AGBL5: variants seen among roughly 807,000 people sequenced by gnomAD.
The protein encoded by AGBL5 is cytosolic carboxypeptidase-like protein 5.
AGBL5 carries 51 observed loss-of-function variants against 88.0 expected under a neutral mutation model. The observed-to-expected ratio is 0.58, with a 90% CI of 0.46 to 0.73. The LOEUF (loss-of-function observed/expected upper bound fraction) is 0.73, where lower values mean the gene tolerates loss of function less well. Ranked by LOEUF, AGBL5 falls within the 30% of genes least tolerant of loss-of-function variation. AGBL5 has a pLI of 0.00. For missense variants in AGBL5, 1,031 were observed against 1,162.2 expected (o/e 0.89, Z 1.64); for synonymous variants, 446 against 438.8 (o/e 1.02, Z -0.21).
chr2:27,063,177 C>G (rs1668801114), intron 11 of AGBL5, among the ~76,000 whole-genome samples: 2 of 152,218 alleles, frequency 1.3e-5, no homozygotes. Context: ...ACAAAAGCTT[C>G]AGGAAGTGTC....
intron 8 of AGBL5, 116 bp from the exon 9 acceptor site, chr2:27,057,186 TC>T (rs754229032): frequency 8.5e-6 from 10 of 1,183,090 alleles, no homozygotes; most frequent in Non-Finnish European, 1.2e-5. Flanking sequence ...ATTAGCACTT[TC>T]ATTTGTGTTC....
rs765967824 is a variant in AGBL5, at chr2:27,059,323, C to G, written c.2008C>G (p.His670Asp). Residue 670 changes from histidine (H) to aspartate (D), a missense_variant, in exon 11 of 15, where the codon CAT becomes GAT. By Grantham distance (81) the His-to-Asp change is moderately conservative. Transcript: ENST00000360131. ...GAAGAATTCCCCCAGCTTTCCTTTTCATGGCAGTCGGCCTGCAGGGCTGCC... is the reference window on the plus strand; with the variant it reads ...GAAGAATTCCCCCAGCTTTCCTTTTGATGGCAGTCGGCCTGCAGGGCTGCC... ...QMKNSPSFPF[H>D]GSRPAGLPGL... 4 of 1,614,134 alleles carry G rather than the reference C, an allele frequency of 2.5e-6. No homozygotes were observed. Among genetic ancestry groups the G allele is most frequent in the Admixed American group, 3.3e-5 (2 of 60,014 alleles).
At chr2:27,054,857 G>A in intron 5 of AGBL5, 50 bp downstream of exon 5, 1 of 1,584,500 alleles carries the variant, frequency 6.3e-7, no homozygotes, top group Non-Finnish European at 8.6e-7. Flanking sequence ...TCTAGCACCA[G>A]GTACTGTTTA....
At chr2:27,051,373 A>C (rs1157473959), upstream of AGBL5, 1 of 152,220 alleles carries the variant, frequency 6.6e-6, no homozygotes, top group East Asian at 1.9e-4. Context: ...TTAGAGACAC[A>C]AGACTGTTAA....
intron 8 of AGBL5, 149 bp from the exon 9 acceptor site, chr2:27,057,154 C>T: frequency 1.2e-6 from 1 of 841,930 alleles, no homozygotes; most frequent in South Asian, 1.8e-5. Context: ...GTACCAAGGT[C>T]AGCTGCTAGT....
At position 27,059,044 on chromosome 2, in the gene AGBL5, G is replaced by A. The variant is rs1460290073; in HGVS notation, c.1875-146G>A. 4.7e-5 allele frequency: 37 copies of A among 781,572 alleles called. 1 individual carries two copies. The highest frequency in any genetic ancestry group is 4.6e-4 in the South Asian group (27 of 58,424). The allele number at this position is 781,572 out of a possible 1,614,324, so 48.4% of individuals were successfully genotyped here. On this transcript the variant is annotated intron_variant, in intron 10 of 14. Transcript: ENST00000360131. ...TCCCCAGGTTAGATACTTCATCCAC[G>A]GACATGAATTCCTCACTTCTTCCTT...
intron 12 of AGBL5, 86 bp downstream of exon 12, chr2:27,067,732 G>GTTCTTTAAGCCTAGTTGGGA: frequency 1.8e-4 from 260 of 1,482,974 alleles, no homozygotes; most frequent in Non-Finnish European, 2.3e-4. Flanking sequence ...GGGAGACCAG[G>GTTCTTTAAGCCTAGTTGGGA]GGCATCACTT....
intron 12 of AGBL5, chr2:27,067,983 CAGG>C (rs1444484543): frequency 5.0e-6 from 2 of 401,520 alleles, no homozygotes; most frequent in African/African-American, 2.1e-5. Context: ...CTAGACAAAA[CAGG>C]AGAATGAAAA....
chr2:27,050,803 G>A (rs977629348), upstream of AGBL5, among the ~76,000 whole-genome samples: 3 of 152,238 alleles, frequency 2.0e-5, no homozygotes, highest in Non-Finnish European at 4.4e-5. Context: ...TCAGTTGGTA[G>A]AGCGGAGGAC....
chr2:27,058,412 A>G lies in AGBL5; in HGVS notation c.1684A>G (p.Met562Val). ...GACTACCCCACAGGTGGGACGAGCT[A>G]TGGCCATTGCAGCCCTGGACATGGC... is the stretch of plus-strand genomic sequence containing the variant. ...VELFEQVGRA[M>V]AIAALDMAEC... Residue 562 changes from methionine to valine, a missense_variant, in exon 10 of 15, where the codon ATG becomes GTG. Physicochemically the swap from Met to Val is conservative, Grantham distance 21. Transcript: ENST00000360131. 6.2e-7 allele frequency: 1 copy of G among 1,613,140 alleles called. No homozygotes were observed. Among genetic ancestry groups the G allele is most frequent in the Non-Finnish European group, 8.5e-7 (1 of 1,180,036 alleles).
chr2:27,052,952 C>A lies in AGBL5; in HGVS notation c.-7C>A. ...GCGGGGCAGGAGGATGCTTTCCCAG[C>A]CCCACCATGGAGCTGCGCTGTGGGG... On this transcript the variant is annotated 5_prime_UTR_variant, in exon 2 of 15. Transcript: ENST00000360131. 6.3e-7 allele frequency: 1 copy of A among 1,583,030 alleles called. No individual in the cohort carries two copies.
chr2:27,051,004 G>A (rs1487598792), upstream of AGBL5: 3 of 152,248 alleles, frequency 2.0e-5, no homozygotes, highest in Non-Finnish European at 4.4e-5. Flanking sequence ...ATACGGTAAC[G>A]CTCTTTCTGC....
At chr2:27,063,594 C>CG (rs1668826640) in intron 11 of AGBL5, among the ~76,000 whole-genome samples, 1 of 138,956 alleles carries the variant, frequency 7.2e-6, no homozygotes, top group African/African-American at 2.7e-5. Flanking sequence ...GACTCCGTCT[C>CG]AAAAAAAAAA....
chr2:27,067,912 C>T (rs1237183048), intron 12 of AGBL5: 2 of 509,870 alleles, frequency 3.9e-6, no homozygotes, highest in Middle Eastern at 5.5e-4. Flanking sequence ...AACCTGAAGA[C>T]TTTTGTCTAC....
chr2:27,067,891 A>G, intron 12 of AGBL5: 2 of 561,908 alleles, frequency 3.6e-6, no homozygotes, highest in Middle Eastern at 4.5e-4. Flanking sequence ...ATCTCATTTT[A>G]TCAGTTGAGG....
At position 27,053,629 on chromosome 2, in the gene AGBL5, G is replaced by C; in HGVS notation, c.387+56G>C. ...TTGGGTGCTAAAAGTAGAGAGGAAA[G>C]TAAAGCGTTTTTTTTTCCTTGATAC... On this transcript the variant is annotated intron_variant, in intron 3 of 14. Coordinates refer to ENST00000360131, the MANE Select transcript of AGBL5 (RefSeq NM_021831.6). The surrounding 1 kb of genome is among the most constrained non-coding windows in gnomAD (Gnocchi z 4.9). 1 of 1,556,266 alleles carries C rather than the reference G, an allele frequency of 6.4e-7. No homozygotes were observed. Among genetic ancestry groups the C allele is most frequent in the African/African-American group, 1.4e-5 (1 of 72,446 alleles).
intron 6 of AGBL5, 154 bp from the exon 7 acceptor site, chr2:27,055,518 CAGCAGATCAA>C: frequency 1.2e-6 from 1 of 812,586 alleles, no homozygotes; most frequent in Non-Finnish European, 1.9e-6. Flanking sequence ...GTAAGGGTGA[CAGCAGATCAA>C]AGAGAGGCCC....
intron 11 of AGBL5, chr2:27,061,675 T>C (rs1370680361): frequency 6.6e-6 from 1 of 152,204 alleles, no homozygotes; most frequent in Admixed American, 6.5e-5. Context: ...ACCTCATTCT[T>C]TTTTGGTCAG....
intron 9 of AGBL5, 130 bp from the exon 10 acceptor site, chr2:27,058,270 G>C: frequency 9.5e-7 from 1 of 1,056,562 alleles, no homozygotes. Flanking sequence ...TGGGCACAAA[G>C]GTTAGGGCAT....
Sources: gnomAD v4.1 joint callset for allele counts (sites outside exome capture counted in the v4.1 genomes callset) on GRCh38, gnomAD v4.1.1 for gene constraint, Gnocchi (gnomAD v3.1) non-coding constraint, MANE v1.5 for transcripts, NCBI Gene and HGNC (gene_info 2026-07-23, HGNC 2026-07-21) for gene names.